IL17RD: variants seen among roughly 807,000 people sequenced by gnomAD.
IL17RD encodes interleukin-17 receptor D.
IL17RD carries 52 observed loss-of-function variants against 80.5 expected under a neutral mutation model. The ratio of observed to expected loss-of-function variants is 0.65; its 90% CI spans 0.52 to 0.81. The LOEUF is 0.81. Ranked by LOEUF, IL17RD falls within the 40% of genes least tolerant of loss-of-function variation. IL17RD has a pLI of 0.00. For missense variants in IL17RD, 1,024 were observed against 955.1 expected, an observed-to-expected ratio of 1.07 and a Z score of -0.95; for synonymous variants, 416 against 391.8, an observed-to-expected ratio of 1.06 and a Z score of -0.73.
chr3:57,129,303 C>T lies in IL17RD; in HGVS notation c.127-8990G>A, dbSNP rs189431583. Among the ~76,000 whole-genome samples, 79 of 152,272 alleles carry T rather than the reference C, an allele frequency of 5.2e-4. 1 individual carries two copies. In the East Asian group the frequency reaches 0.014, roughly 26 times the overall value. On this transcript the variant is annotated intron_variant, in intron 1 of 12. Transcript: ENST00000296318. Reference sequence around the variant, plus strand: ...AAGGAACAGTTACAAAGACTTCACTCCAGAAGCCGAAAAAGTCTCTTCCTA... The same window carrying T: ...AAGGAACAGTTACAAAGACTTCACTTCAGAAGCCGAAAAAGTCTCTTCCTA...
At chr3:57,120,376 C>T in intron 1 of IL17RD, 63 bp from the exon 2 acceptor site, 1 of 1,177,562 alleles carries the variant, frequency 8.5e-7, no homozygotes, top group Non-Finnish European at 1.3e-6. Context: ...ACACAAAGCC[C>T]CATGGAGTCC....
intron 3 of IL17RD, among the ~76,000 whole-genome samples, 165 bp from the exon 4 acceptor site, chr3:57,110,476 C>A (rs981237802): frequency 1.3e-5 from 2 of 152,230 alleles, no homozygotes; most frequent in Non-Finnish European, 2.9e-5. Flanking sequence ...ACACCCCCTG[C>A]ATTCCTCTGG....
chr3:57,135,050 G>C (rs1471926480), intron 1 of IL17RD, among the ~76,000 whole-genome samples: 1 of 152,184 alleles, frequency 6.6e-6, no homozygotes, highest in Non-Finnish European at 1.5e-5. Flanking sequence ...GGAAGTAGCA[G>C]TGAGCCATGA....
In IL17RD at chr3:57,093,754, G is replaced by C. The variant is rs1049679227; in HGVS notation, c.*2639C>G. ...TCTGTTGAGGTGGTCTCTGTTGCTT[G>C]TAGCCAATCTCTGAGAAGGCACACC... On this transcript the variant is annotated 3_prime_UTR_variant, in exon 13 of 13. Coordinates refer to ENST00000296318, the MANE Select transcript of IL17RD (RefSeq NM_017563.5). The C allele has an allele frequency of 4.9e-4, 74 of 152,208 alleles. No homozygotes were observed. Among genetic ancestry groups the C allele is most frequent in the African/African-American group, 1.7e-3 (70 of 41,450 alleles). The allele number at this position is 152,208 out of a possible 1,614,324, so 9.4% of individuals were successfully genotyped here. A position where few individuals can be genotyped will look rare whatever the true frequency, so the allele number is the denominator to read the frequency against.
intron 1 of IL17RD, chr3:57,142,343 T>C (rs910191779): frequency 3.9e-5 from 17 of 438,560 alleles, no homozygotes; most frequent in Middle Eastern, 3.7e-4. Flanking sequence ...TGCTTAAAAA[T>C]TCACTCTGTT....
At chr3:57,161,420 C>CT (rs2060304260) in intron 1 of IL17RD, among the ~76,000 whole-genome samples, 2 of 152,212 alleles carry the variant, frequency 1.3e-5, no homozygotes, top group African/African-American at 4.8e-5. Context: ...TTCCAAGTAC[C>CT]ACCCTATTCC....
chr3:57,141,346 T>C (rs1453695253), intron 1 of IL17RD, among the ~76,000 whole-genome samples: 1 of 152,222 alleles, frequency 6.6e-6, no homozygotes, highest in Non-Finnish European at 1.5e-5. Flanking sequence ...TTCCCCAAAA[T>C]AGCAAATGTC....
chr3:57,118,585 A>T (rs765363968), intron 2 of IL17RD, among the ~76,000 whole-genome samples: 1 of 152,304 alleles, frequency 6.6e-6, no homozygotes, highest in South Asian at 2.1e-4. Flanking sequence ...ACAATTCTAT[A>T]CAACTACCTT....
intron 1 of IL17RD, among the ~76,000 whole-genome samples, chr3:57,126,443 C>A (rs57247764): frequency 0.093 from 14,212 of 152,200 alleles, 2,228 homozygotes; most frequent in African/African-American, 0.32. Context: ...AAGCTAAAAA[C>A]CCACACCATG....
At position 57,127,253 on chromosome 3, in the gene IL17RD, AAT is replaced by A. The variant is rs1239681587; in HGVS notation, c.127-6942_127-6941del. 2.2e-4 allele frequency among the ~76,000 whole-genome samples: 22 copies of A among 98,592 alleles called. 1 individual carries two copies. The East Asian group carries it at 6.2e-3, about 28-fold the overall frequency. The allele number at this position is 98,592 out of a possible 152,430, so 64.7% of individuals were successfully genotyped here. The stretch of plus-strand genomic sequence containing the variant: ...ATAAAAATATATAAATATATATATA[AAT>A]ATATATAAATATATATAAAAATATA... On this transcript the variant is annotated intron_variant, in intron 1 of 12. Transcript: ENST00000296318.
intron 2 of IL17RD, among the ~76,000 whole-genome samples, chr3:57,115,237 C>T (rs995435690): frequency 6.6e-5 from 10 of 152,070 alleles, no homozygotes; most frequent in African/African-American, 2.4e-4. Flanking sequence ...TTAGAAAAAA[C>T]CTAGAGGGCC....
Position 57,154,283 on chromosome 3 carries a change from T to TATATATACACACACACACACACACACAC in IL17RD, c.126+10877_126+10878insGTGTGTGTGTGTGTGTGTGTGTATATAT, listed in dbSNP as rs904157398. 4.5e-3 allele frequency among the ~76,000 whole-genome samples: 503 copies of TATATATACACACACACACACACACACAC among 112,616 alleles called. 3 individuals carry two copies. The highest frequency in any genetic ancestry group is 0.015 in the African/African-American group (473 of 31,324). 73.9% of individuals were successfully genotyped at this position (112,616 alleles called of 152,430 possible). A position where few individuals can be genotyped will look rare whatever the true frequency, so the allele number is the denominator to read the frequency against. On this transcript the variant is annotated intron_variant, in intron 1 of 12. Transcript: ENST00000296318. ...AATTATATATATATATATATATATATACACACACACACACACACATACATA... is the reference window on the plus strand; with the variant it reads ...AATTATATATATATATATATATATATATATATACACACACACACACACACACACACACACACACACACACACATACATA...
chr3:57,106,359 TCAC>T (rs1484343270), intron 5 of IL17RD, among the ~76,000 whole-genome samples: 7 of 152,340 alleles, frequency 4.6e-5, no homozygotes, highest in African/African-American at 1.7e-4. Context: ...TTAATGCAGT[TCAC>T]TTTATGCCAC....
At chr3:57,111,751 A>T (rs1428024261) in intron 3 of IL17RD, among the ~76,000 whole-genome samples, 1 of 151,926 alleles carries the variant, frequency 6.6e-6, no homozygotes, top group Non-Finnish European at 1.5e-5. Flanking sequence ...CGGGCGAATC[A>T]CAAGGTCAGG....
chr3:57,135,381 C>T (rs1192800342), intron 1 of IL17RD, among the ~76,000 whole-genome samples: 1 of 152,224 alleles, frequency 6.6e-6, no homozygotes, highest in East Asian at 1.9e-4. Context: ...TGGTGGGATG[C>T]TCAATGATTC....
chr3:57,157,436 G>C (rs1218479796), intron 1 of IL17RD, among the ~76,000 whole-genome samples: 6 of 152,178 alleles, frequency 3.9e-5, no homozygotes, highest in Non-Finnish European at 8.8e-5. Context: ...ACTGTGGACG[G>C]GGGACTGGTC....
Position 57,127,335 on chromosome 3 carries a change from TA to T in IL17RD, c.127-7023del, listed in dbSNP as rs375102936. Among the ~76,000 whole-genome samples, 41 of 90,230 alleles carry T rather than the reference TA, an allele frequency of 4.5e-4. 8 individuals are homozygous for T. The highest frequency in any genetic ancestry group is 1.3e-3 in the South Asian group (4 of 3,198). The allele number at this position is 90,230 out of a possible 152,430, so 59.2% of individuals were successfully genotyped here. A position where few individuals can be genotyped will look rare whatever the true frequency, so the allele number is the denominator to read the frequency against. On this transcript the variant is annotated intron_variant, in intron 1 of 12. Coordinates refer to ENST00000296318, the MANE Select transcript of IL17RD (RefSeq NM_017563.5). ...ATATAAAAATATATATAAATATATA[TA>T]AAAATATATATAAATATATATAAAT...
chr3:57,117,977 T>A (rs748739123), intron 2 of IL17RD, among the ~76,000 whole-genome samples: 2 of 152,194 alleles, frequency 1.3e-5, no homozygotes, highest in Non-Finnish European at 2.9e-5. Flanking sequence ...TATTTGGTAT[T>A]ATTAAAAAAA....
chr3:57,163,702 C>G (rs572339953), intron 1 of IL17RD, among the ~76,000 whole-genome samples: 13 of 150,444 alleles, frequency 8.6e-5, no homozygotes, highest in Admixed American at 1.3e-4. Flanking sequence ...AAAACAAGAG[C>G]AGTAATGTTT....
Sources: gnomAD v4.1 joint callset for allele counts (sites outside exome capture counted in the v4.1 genomes callset) on GRCh38, gnomAD v4.1.1 for gene constraint, MANE v1.5 for transcripts, NCBI Gene and HGNC (gene_info 2026-07-23, HGNC 2026-07-21) for gene names.